The following FNDC3B variants were observed in gnomAD, a reference collection of about 807,000 sequenced individuals.
The protein encoded by FNDC3B is fibronectin type III domain containing 3B.
A neutral mutation model predicts 151.5 loss-of-function variants in FNDC3B; 12 were observed. The ratio of observed to expected loss-of-function variants is 0.08; its 90% CI spans 0.05 to 0.13. The LOEUF (loss-of-function observed/expected upper bound fraction) is 0.13, where lower values mean the gene tolerates loss of function less well. FNDC3B is among the 10% of genes least tolerant of loss of function. FNDC3B has a pLI of 1.00. For synonymous variants in FNDC3B, 528 were observed against 549.0 expected (o/e 0.96, Z 0.54); for missense variants, 1,214 against 1,505.3 (o/e 0.81, Z 3.20).
chr3:172,063,662 A>G (rs1717337346), intron 1 of FNDC3B, among the ~76,000 whole-genome samples: 2 of 152,176 alleles, frequency 1.3e-5, no homozygotes, highest in Admixed American at 6.5e-5. Flanking sequence ...CCATTATTTT[A>G]GTAATGATCA....
intron 3 of FNDC3B, among the ~76,000 whole-genome samples, chr3:172,158,318 A>G (rs948498464): frequency 6.6e-6 from 1 of 152,242 alleles, no homozygotes; most frequent in Non-Finnish European, 1.5e-5. Flanking sequence ...GCCATGTACA[A>G]GTGATCCCGA....
intron 3 of FNDC3B, among the ~76,000 whole-genome samples, chr3:172,175,000 C>G (rs1307465603): frequency 7.2e-6 from 1 of 138,848 alleles, no homozygotes; most frequent in African/African-American, 2.7e-5. Flanking sequence ...TCTGGCCATG[C>G]TTTCTCACAG....
At chr3:172,239,775 C>CAA (rs200097298) in intron 4 of FNDC3B, among the ~76,000 whole-genome samples, 130 of 70,178 alleles carry the variant, frequency 1.9e-3, no homozygotes, top group East Asian at 5.6e-3. Context: ...TTAGCTAAGA[C>CAA]AAAAAAAAAA....
At chr3:172,337,295 T>C in intron 15 of FNDC3B, 35 bp from the exon 16 acceptor site, 2 of 1,422,336 alleles carry the variant, frequency 1.4e-6, no homozygotes. Flanking sequence ...ATCAATATCC[T>C]TTTATTGCTA....
intron 4 of FNDC3B, among the ~76,000 whole-genome samples, chr3:172,242,889 T>C (rs1162828827): frequency 3.3e-5 from 5 of 152,208 alleles, no homozygotes; most frequent in African/African-American, 1.2e-4. Flanking sequence ...ATGCTCCGCT[T>C]CCCTTATAAA....
intron 1 of FNDC3B, among the ~76,000 whole-genome samples, chr3:172,041,058 T>C (rs533159853): frequency 6.6e-6 from 1 of 152,292 alleles, no homozygotes; most frequent in South Asian, 2.1e-4. Flanking sequence ...TGTTTTCTTT[T>C]CTCCTCAACC....
chr3:172,281,878 T>C (rs1485797284), intron 6 of FNDC3B, among the ~76,000 whole-genome samples: 1 of 151,902 alleles, frequency 6.6e-6, no homozygotes. Flanking sequence ...TCCTTCACAA[T>C]ATGGGAGGTG....
chr3:172,064,013 C>A (rs1015371024), intron 1 of FNDC3B, among the ~76,000 whole-genome samples: 1 of 151,986 alleles, frequency 6.6e-6, no homozygotes, highest in Non-Finnish European at 1.5e-5. Flanking sequence ...TGTGGTGGTG[C>A]GAATCTATAG....
chr3:172,181,258 G>A (rs1299009304), intron 3 of FNDC3B, among the ~76,000 whole-genome samples: 3 of 151,678 alleles, frequency 2.0e-5, no homozygotes, highest in Non-Finnish European at 4.4e-5. Context: ...AAATTGGCTG[G>A]GTGTGGTGGC....
At chr3:172,136,866 C>T (rs2108578892) in intron 3 of FNDC3B, among the ~76,000 whole-genome samples, 1 of 152,256 alleles carries the variant, frequency 6.6e-6, no homozygotes, top group African/African-American at 2.4e-5. Flanking sequence ...ACTACAGGCA[C>T]ACGCCACCAC....
At chr3:172,235,063 C>T (rs1464710422) in intron 4 of FNDC3B, among the ~76,000 whole-genome samples, 1 of 151,966 alleles carries the variant, frequency 6.6e-6, no homozygotes, top group African/African-American at 2.4e-5. Flanking sequence ...ATATAAAATT[C>T]ATAGGTACAA....
intron 1 of FNDC3B, among the ~76,000 whole-genome samples, chr3:172,070,176 G>A (rs937771199): frequency 6.6e-6 from 1 of 152,156 alleles, no homozygotes; most frequent in Non-Finnish European, 1.5e-5. Flanking sequence ...TGATATGAAC[G>A]TGAAATATTT....
At chr3:172,162,263 G>A (rs1722816442) in intron 3 of FNDC3B, among the ~76,000 whole-genome samples, 1 of 152,132 alleles carries the variant, frequency 6.6e-6, no homozygotes, top group Non-Finnish European at 1.5e-5. Context: ...ATAGGCATGA[G>A]CCACCGCGCC....
intron 4 of FNDC3B, among the ~76,000 whole-genome samples, chr3:172,231,110 C>G (rs1726865959): frequency 6.6e-6 from 1 of 152,190 alleles, no homozygotes; most frequent in Non-Finnish European, 1.5e-5. Flanking sequence ...ACACAATGGA[C>G]TATTATTCAG....
chr3:172,079,815 C>A (rs1374406282), intron 1 of FNDC3B, among the ~76,000 whole-genome samples: 2 of 152,096 alleles, frequency 1.3e-5, no homozygotes, highest in African/African-American at 4.8e-5. Flanking sequence ...AACATGGAGG[C>A]AGAAAATCCG....
Position 172,332,688 on chromosome 3 carries a change from C to G in FNDC3B, c.1555-401C>G, listed in dbSNP as rs557791812. 3.9e-5 allele frequency among the ~76,000 whole-genome samples: 6 copies of G among 152,324 alleles called. No homozygotes were observed. In the East Asian group the frequency reaches 5.8e-4, roughly 15 times the overall value. Reference sequence around the variant, plus strand: ...CTTTCCCATCTAAGCTGTCCTTTCTCCCATGGCCAGAAGAGGGCACTGTGT... The same window carrying G: ...CTTTCCCATCTAAGCTGTCCTTTCTGCCATGGCCAGAAGAGGGCACTGTGT... On this transcript the variant is annotated intron_variant, in intron 13 of 25. Coordinates refer to ENST00000415807, the MANE Select transcript of FNDC3B (RefSeq NM_022763.4).
Position 172,330,553 on chromosome 3 carries a change from A to G in FNDC3B, c.1392A>G (p.Gln464=), listed in dbSNP as rs1447884024. ...TCTTTCTCTACAGTGGTTATAGCCA[A>G]GAGGTGGTGTGCTACACATTAGGAA... ...RNDIGTSGYS[Q]EVVCYTLGNI... The change falls in exon 13 of 26, where the codon CAA becomes CAG. Residue 464 remains glutamine, a synonymous_variant. Transcript: ENST00000415807. 3 of 1,613,044 alleles carry G rather than the reference A, an allele frequency of 1.9e-6. No homozygotes were observed. Among genetic ancestry groups the G allele is most frequent in the Admixed American group, 1.7e-5 (1 of 59,918 alleles).
At chr3:172,187,675 A>G (rs1487936298) in intron 3 of FNDC3B, among the ~76,000 whole-genome samples, 1 of 152,000 alleles carries the variant, frequency 6.6e-6, no homozygotes, top group Non-Finnish European at 1.5e-5. Flanking sequence ...TCTTTTGGAG[A>G]CTGGATTCTC....
At chr3:172,070,754 C>A (rs1028666062) in intron 1 of FNDC3B, among the ~76,000 whole-genome samples, 6 of 152,318 alleles carry the variant, frequency 3.9e-5, no homozygotes, top group African/African-American at 1.2e-4. Flanking sequence ...TATTACCCAG[C>A]CTTGACAATC....
Sources: allele counts gnomAD v4.1 joint callset (sites outside exome capture counted in the v4.1 genomes callset), GRCh38; gene constraint gnomAD v4.1.1; transcripts MANE v1.5; gene names NCBI Gene and HGNC (gene_info 2026-07-23, HGNC 2026-07-21).